CCSER1: variants seen among roughly 807,000 people sequenced by gnomAD.
CCSER1 encodes the protein serine-rich coiled-coil domain-containing protein 1.
In CCSER1, 41 loss-of-function variants were observed where a neutral mutation model predicts 82.0. That is an observed-to-expected ratio of 0.50 (90% CI 0.39 to 0.65). The LOEUF (loss-of-function observed/expected upper bound fraction) is 0.65, where lower values mean the gene tolerates loss of function less well. CCSER1 is among the 30% of genes least tolerant of loss of function. The pLI, the probability that CCSER1 is intolerant of heterozygous loss-of-function variation, is 0.00. For missense variants in CCSER1, 1,119 were observed against 1,064.2 expected (o/e 1.05, Z -0.72); for synonymous variants, 414 against 383.9 (o/e 1.08, Z -0.92).
rs545553808 is a variant in CCSER1 at position 91,081,600 on chromosome 4, T to C, written c.2173-4350T>C. ...AGAGAAAGAAATAAAGGGTATTCAA[T>C]TAGGAAAAGAGGAAGTCAAATTGTC... is the stretch of plus-strand genomic sequence containing the variant. On this transcript the variant is annotated intron_variant, in intron 9 of 10. Coordinates refer to ENST00000509176, the MANE Select transcript of CCSER1 (RefSeq NM_001145065.2). 2.7e-3 allele frequency among the ~76,000 whole-genome samples: 408 copies of C among 152,170 alleles called. 1 individual carries two copies. The highest frequency in any genetic ancestry group is 4.7e-3 in the Non-Finnish European group (317 of 67,992).
intron 6 of CCSER1, among the ~76,000 whole-genome samples, chr4:90,657,565 TTG>T (rs532321278): frequency 4.3e-4 from 66 of 152,166 alleles, no homozygotes; most frequent in Non-Finnish European, 8.4e-4. Flanking sequence ...TGTATTTTTG[TTG>T]TTTTTTGTTT....
At chr4:90,584,199 A>G (rs1286232628) in intron 5 of CCSER1, among the ~76,000 whole-genome samples, 3 of 152,184 alleles carry the variant, frequency 2.0e-5, no homozygotes, top group African/African-American at 7.2e-5. Context: ...ATCTCAACAT[A>G]AGGAGATTAT....
At chr4:90,902,871 A>G (rs1724870707) in intron 8 of CCSER1, among the ~76,000 whole-genome samples, 1 of 152,030 alleles carries the variant, frequency 6.6e-6, no homozygotes, top group Admixed American at 6.6e-5. Flanking sequence ...TGTTGGGTGT[A>G]TTGAGATCTC....
chr4:90,667,616 G>C (rs533368326), intron 6 of CCSER1, among the ~76,000 whole-genome samples: 7 of 152,134 alleles, frequency 4.6e-5, no homozygotes, highest in Non-Finnish European at 7.4e-5. Flanking sequence ...TCCTGTGTTA[G>C]TTTGCTGAGA....
At chr4:90,990,112 A>G (rs560662702) in intron 9 of CCSER1, among the ~76,000 whole-genome samples, 2 of 152,032 alleles carry the variant, frequency 1.3e-5, no homozygotes, top group East Asian at 3.9e-4. Context: ...TGCATGTTAA[A>G]TGCTTTAATT....
chr4:91,484,106 A>G (rs570168706), intron 10 of CCSER1, among the ~76,000 whole-genome samples: 1 of 151,084 alleles, frequency 6.6e-6, no homozygotes, highest in Non-Finnish European at 1.5e-5. Context: ...TACATGATTC[A>G]GTTCTCAAAT....
intron 10 of CCSER1, among the ~76,000 whole-genome samples, chr4:91,309,503 A>G (rs749663337): frequency 9.9e-5 from 15 of 151,986 alleles, no homozygotes; most frequent in Non-Finnish European, 2.1e-4. Context: ...CCCTTATCAA[A>G]ATTTAATGAC....
intron 1 of CCSER1, among the ~76,000 whole-genome samples, chr4:90,293,606 A>T (rs1277149087): frequency 2.7e-5 from 4 of 150,826 alleles, no homozygotes; most frequent in Non-Finnish European, 5.9e-5. Context: ...ATAAAAAAAG[A>T]AAATAAAAAA....
intron 6 of CCSER1, among the ~76,000 whole-genome samples, chr4:90,673,902 A>G (rs949278912): frequency 2.0e-5 from 3 of 152,018 alleles, no homozygotes; most frequent in African/African-American, 7.2e-5. Context: ...GTGACCATCT[A>G]TGTTAACTAA....
chr4:91,085,088 G>A (rs1723230525), intron 9 of CCSER1, among the ~76,000 whole-genome samples: 1 of 149,862 alleles, frequency 6.7e-6, no homozygotes. Context: ...TAGGTCTAGT[G>A]CATCTTTACT....
chr4:90,147,968 C>T (rs1268453905), intron 1 of CCSER1, among the ~76,000 whole-genome samples: 1 of 152,094 alleles, frequency 6.6e-6, no homozygotes, highest in Non-Finnish European at 1.5e-5. Flanking sequence ...AGTTTCAGAC[C>T]AGCCTGGCCA....
intron 3 of CCSER1, among the ~76,000 whole-genome samples, chr4:90,384,804 A>T (rs1231288363): frequency 1.3e-5 from 2 of 152,154 alleles, no homozygotes; most frequent in African/African-American, 2.4e-5. Context: ...TTGTATAGTG[A>T]GGAAGTCTGA....
intron 9 of CCSER1, among the ~76,000 whole-genome samples, chr4:91,005,439 A>AT (rs1738418738): frequency 6.6e-6 from 1 of 151,940 alleles, no homozygotes; most frequent in South Asian, 2.1e-4. Flanking sequence ...TCAAAATAGA[A>AT]TTTTTTACAA....
intron 1 of CCSER1, among the ~76,000 whole-genome samples, chr4:90,171,243 T>G (rs1020772551): frequency 1.1e-4 from 16 of 151,548 alleles, no homozygotes; most frequent in African/African-American, 2.7e-4. Context: ...AGGACACAAG[T>G]GTAAAAAATT....
intron 9 of CCSER1, among the ~76,000 whole-genome samples, chr4:90,963,746 C>T (rs1038547490): frequency 2.6e-5 from 4 of 152,148 alleles, no homozygotes; most frequent in Non-Finnish European, 5.9e-5. Flanking sequence ...ATAAATTTCT[C>T]AGTTTCTCAC....
chr4:91,147,675 T>C (rs1385473233), intron 10 of CCSER1, among the ~76,000 whole-genome samples: 4 of 152,164 alleles, frequency 2.6e-5, no homozygotes, highest in Non-Finnish European at 4.4e-5. Context: ...CTGGGAGTGA[T>C]GGGGGCGGGC....
intron 10 of CCSER1, among the ~76,000 whole-genome samples, chr4:91,460,746 T>C (rs541579741): frequency 6.6e-6 from 1 of 152,332 alleles, no homozygotes; most frequent in East Asian, 1.9e-4. Context: ...AAATCTCTTA[T>C]TGTGAGTGGC....
chr4:90,722,902 C>T (rs1252850272), intron 6 of CCSER1, among the ~76,000 whole-genome samples: 1 of 151,878 alleles, frequency 6.6e-6, no homozygotes, highest in African/African-American at 2.4e-5. Context: ...GCGGTTGTAG[C>T]ACCTATGCTT....
At chr4:91,183,287 A>G (rs992644790) in intron 10 of CCSER1, among the ~76,000 whole-genome samples, 1 of 152,230 alleles carries the variant, frequency 6.6e-6, no homozygotes, top group African/African-American at 2.4e-5. Flanking sequence ...AATTACAGCT[A>G]CAAGCTCCGT....
Sources: allele counts gnomAD v4.1 joint callset (sites outside exome capture counted in the v4.1 genomes callset), GRCh38; gene constraint gnomAD v4.1.1; transcripts MANE v1.5; gene names NCBI Gene and HGNC (gene_info 2026-07-23, HGNC 2026-07-21).